CABLES1: variants seen among roughly 807,000 people sequenced by gnomAD.
CABLES1 encodes the protein Cdk5 and Abl enzyme substrate 1.
In CABLES1, 36 loss-of-function variants were observed where a neutral mutation model predicts 57.8. The ratio of observed to expected loss-of-function variants is 0.62; its 90% CI spans 0.48 to 0.82. The LOEUF (loss-of-function observed/expected upper bound fraction) is 0.82. Among genes scored for constraint, CABLES1 ranks in the 40% least tolerant of loss-of-function variants. CABLES1 has a pLI of 0.00. For synonymous variants in CABLES1, 374 were observed against 363.0 expected (o/e 1.03, Z -0.35); for missense variants, 767 against 836.6 (o/e 0.92, Z 1.03).
At position 23,145,214 on chromosome 18, in the gene CABLES1, G is replaced by A. The variant is rs998074510; in HGVS notation, c.845+8607G>A. ...GGCCTTCCAAAGTGCTGGGATTACA[G>A]GCATGAGCCACCGTGCCTGGCCTAA... On this transcript the variant is annotated intron_variant, in intron 1 of 9. Transcript: ENST00000256925. 2.6e-5 allele frequency among the ~76,000 whole-genome samples: 4 copies of A among 152,252 alleles called. No individual in the cohort carries two copies. In the South Asian group the frequency reaches 8.3e-4, roughly 32 times the overall value.
chr18:23,170,946 G>A (rs751201734), intron 1 of CABLES1, among the ~76,000 whole-genome samples: 1 of 152,136 alleles, frequency 6.6e-6, no homozygotes, highest in African/African-American at 2.4e-5. Context: ...ACAGGCGTCC[G>A]CCACCACACT....
intron 3 of CABLES1, among the ~76,000 whole-genome samples, chr18:23,208,757 G>A (rs1258856380): frequency 6.6e-6 from 1 of 152,194 alleles, no homozygotes; most frequent in African/African-American, 2.4e-5. Context: ...TTCTCTCCCT[G>A]TTGTGGAGAC....
At chr18:23,197,687 T>C (rs1568063908) in intron 3 of CABLES1, 2 of 151,982 alleles carry the variant, frequency 1.3e-5, no homozygotes, top group African/African-American at 2.4e-5. Context: ...TCCTAGCAGG[T>C]AGGGAAAGCC....
intron 4 of CABLES1, among the ~76,000 whole-genome samples, chr18:23,227,629 G>C (rs777814675): frequency 2.6e-5 from 4 of 152,156 alleles, no homozygotes; most frequent in Admixed American, 1.3e-4. Flanking sequence ...ATGTCAGCAA[G>C]CAGGCCTGGT....
intron 1 of CABLES1, among the ~76,000 whole-genome samples, chr18:23,162,159 C>T (rs2047009826): frequency 9.3e-6 from 1 of 107,838 alleles, no homozygotes; most frequent in South Asian, 3.4e-4. Flanking sequence ...GCACAAAACC[C>T]TGTCTCAAAA....
At chr18:23,233,042 C>T (rs762137247) in intron 4 of CABLES1, among the ~76,000 whole-genome samples, 14 of 152,240 alleles carry the variant, frequency 9.2e-5, no homozygotes, top group Middle Eastern at 3.4e-3. Context: ...AATATGGTCC[C>T]TCCATCCAGG....
chr18:23,248,892 A>G (rs921439735), intron 7 of CABLES1, among the ~76,000 whole-genome samples: 2 of 152,250 alleles, frequency 1.3e-5, no homozygotes, highest in Non-Finnish European at 2.9e-5. Context: ...GGAGGCTGAC[A>G]GAATAACCTA....
intron 1 of CABLES1, among the ~76,000 whole-genome samples, chr18:23,156,566 C>A (rs1841851591): frequency 6.6e-6 from 1 of 152,206 alleles, no homozygotes; most frequent in East Asian, 1.9e-4. Context: ...TATAAAGTTG[C>A]TGCAAGCACT....
intron 1 of CABLES1, among the ~76,000 whole-genome samples, chr18:23,160,447 C>T (rs1009428755): frequency 2.0e-5 from 3 of 152,152 alleles, no homozygotes; most frequent in African/African-American, 4.8e-5. Flanking sequence ...GGTGCAGTGC[C>T]GGGCACATGG....
intron 4 of CABLES1, among the ~76,000 whole-genome samples, chr18:23,225,433 C>CTT (rs891218592): frequency 1.4e-5 from 2 of 146,826 alleles, no homozygotes; most frequent in African/African-American, 5.0e-5. Flanking sequence ...TCCTTCCAGT[C>CTT]TTTTTTTTTT....
chr18:23,153,435 T>A (rs776203049), intron 1 of CABLES1, among the ~76,000 whole-genome samples: 7 of 151,564 alleles, frequency 4.6e-5, no homozygotes, highest in East Asian at 2.0e-4. Flanking sequence ...CACAACAATT[T>A]AAAAAAAATA....
chr18:23,233,261 C>A (rs543771592), intron 4 of CABLES1, among the ~76,000 whole-genome samples: 1 of 152,262 alleles, frequency 6.6e-6, no homozygotes, highest in East Asian at 1.9e-4. Flanking sequence ...CCGTACAATT[C>A]TGATATGTGG....
intron 1 of CABLES1, among the ~76,000 whole-genome samples, chr18:23,175,590 T>C (rs2047117724): frequency 6.6e-6 from 1 of 152,206 alleles, no homozygotes; most frequent in Non-Finnish European, 1.5e-5. Context: ...GTGATCCTCC[T>C]GCATGCGCCA....
intron 4 of CABLES1, among the ~76,000 whole-genome samples, chr18:23,217,454 C>T (rs115481746): frequency 0.013 from 2,018 of 152,212 alleles, 28 homozygotes; most frequent in Non-Finnish European, 0.023. Flanking sequence ...AGAACATGTT[C>T]GTTTCTGCAG....
At chr18:23,241,573 A>G (rs868234117) in intron 7 of CABLES1, among the ~76,000 whole-genome samples, 57 of 152,312 alleles carry the variant, frequency 3.7e-4, no homozygotes, top group Middle Eastern at 6.8e-3. Flanking sequence ...GATGTAGTAC[A>G]GTTTGTTTAT....
At chr18:23,165,120 GT>G (rs926059140) in intron 1 of CABLES1, among the ~76,000 whole-genome samples, 11 of 152,000 alleles carry the variant, frequency 7.2e-5, no homozygotes, top group African/African-American at 2.7e-4. Flanking sequence ...TAGAGACAGG[GT>G]CTTACTGTGC....
At chr18:23,138,258 A>G (rs760097728) in intron 1 of CABLES1, among the ~76,000 whole-genome samples, 47 of 152,336 alleles carry the variant, frequency 3.1e-4, no homozygotes, top group Non-Finnish European at 5.9e-4. Context: ...GGGATATGGA[A>G]GATCTTGTGT....
rs531001749 is a variant in CABLES1 at position 23,206,173 on chromosome 18, G to C, written c.1011-7804G>C. On this transcript the variant is annotated intron_variant, in intron 3 of 9. Transcript: ENST00000256925. The stretch of plus-strand genomic sequence containing the variant: ...TCCCTGCCCACCGTCCTCCCGCCCC[G>C]TCCCAGACCCTCCTCGCTCCTCATC... Among the ~76,000 whole-genome samples, 3 of 152,056 alleles carry C rather than the reference G, an allele frequency of 2.0e-5. No homozygotes were observed. The South Asian group carries it at 6.2e-4, about 32-fold the overall frequency.
chr18:23,245,520 A>G (rs1321387236), intron 7 of CABLES1, among the ~76,000 whole-genome samples: 3 of 151,420 alleles, frequency 2.0e-5, no homozygotes, highest in Admixed American at 1.3e-4. Context: ...AAAAAAAAAA[A>G]GCGAAATAGG....
Sources: allele counts gnomAD v4.1 joint callset (sites outside exome capture counted in the v4.1 genomes callset), GRCh38; gene constraint gnomAD v4.1.1; transcripts MANE v1.5; gene names NCBI Gene and HGNC (gene_info 2026-07-23, HGNC 2026-07-21).